Variants in SHLD1 observed in about 807,000 individuals in gnomAD.
SHLD1 encodes the protein RINN1-REV7-interacting novel NHEJ regulator 3.
SHLD1 carries 3 observed loss-of-function variants against 5.5 expected under a neutral mutation model. That is an observed-to-expected ratio of 0.54 (90% confidence interval 0.25 to 1.40). The LOEUF (loss-of-function observed/expected upper bound fraction) is 1.40. SHLD1 is among the 40% of genes most tolerant of loss of function. SHLD1 has a pLI of 0.15. For missense variants in SHLD1, 210 were observed against 244.4 expected (o/e 0.86, Z 0.94); for synonymous variants, 92 against 94.3 (o/e 0.98, Z 0.14).
intron 1 of SHLD1, among the ~76,000 whole-genome samples, chr20:5,762,611 G>A (rs577245046): frequency 9.9e-5 from 15 of 152,096 alleles, no homozygotes; most frequent in Non-Finnish European, 2.1e-4. Flanking sequence ...TGAGTCCCTT[G>A]GCTATTGTGG....
chr20:5,763,264 T>C (rs1008304172), intron 1 of SHLD1, among the ~76,000 whole-genome samples: 94 of 117,402 alleles, frequency 8.0e-4, no homozygotes, highest in Admixed American at 5.9e-3. Context: ...CACTCCAGCC[T>C]GGGCAACAAG....
At position 5,763,610 on chromosome 20, in the gene SHLD1, T is replaced by C. The variant is rs1984603116; in HGVS notation, c.-4-9252T>C. 2.0e-5 allele frequency among the ~76,000 whole-genome samples: 3 copies of C among 152,190 alleles called. No homozygotes were observed. The South Asian group carries it at 6.2e-4, about 31-fold the overall frequency. On this transcript the variant is annotated intron_variant, in intron 1 of 2. Transcript: ENST00000303142. ...TTGTGACACATGGACAACCATACTC[T>C]TCCTCTTTCCCCTAAGCCCACTTTT...
At chr20:5,761,395 A>G (rs1039845) in intron 1 of SHLD1, among the ~76,000 whole-genome samples, 43,006 of 151,158 alleles carry the variant, frequency 0.28, 6,697 homozygotes, top group East Asian at 0.62. Flanking sequence ...CACCTTCTGC[A>G]CATGTATCCC....
At chr20:5,811,267 T>A (rs768447776) in intron 2 of SHLD1, among the ~76,000 whole-genome samples, 1 of 152,146 alleles carries the variant, frequency 6.6e-6, no homozygotes, top group Non-Finnish European at 1.5e-5. Flanking sequence ...ACTCCCTTAA[T>A]TCTTGGAGAG....
chr20:5,863,467 G>T lies in SHLD1; in HGVS notation c.*4G>T, dbSNP rs144988084. 1 of 1,586,600 alleles carries T rather than the reference G, an allele frequency of 6.3e-7. No homozygotes were observed. The highest frequency in any genetic ancestry group is 8.6e-7 in the Non-Finnish European group (1 of 1,167,126). On this transcript the variant is annotated 3_prime_UTR_variant, in exon 3 of 3. Transcript: ENST00000303142. ...GAATGTAATGAAAGACCTGTAACTG[G>T]TGCCGGGCAGTGTGCAGGGTAGTAA...
intron 2 of SHLD1, among the ~76,000 whole-genome samples, chr20:5,780,760 G>T (rs9679965): frequency 6.6e-6 from 1 of 151,986 alleles, no homozygotes; most frequent in Non-Finnish European, 1.5e-5. Flanking sequence ...TTCATCTCAG[G>T]ATTGCTCCTC....
At chr20:5,826,340 G>A (rs975394404) in intron 2 of SHLD1, among the ~76,000 whole-genome samples, 4 of 151,060 alleles carry the variant, frequency 2.6e-5, no homozygotes, top group African/African-American at 7.3e-5. Flanking sequence ...AAGTTCTTAG[G>A]AACATAGTTA....
Position 5,775,723 on chromosome 20 carries a change from C to T in SHLD1, c.178+2680C>T, listed in dbSNP as rs552991215. Among the ~76,000 whole-genome samples, 6 of 152,128 alleles carry T rather than the reference C, an allele frequency of 3.9e-5. No homozygotes were observed. In the East Asian group the frequency reaches 5.8e-4, roughly 15 times the overall value. On this transcript the variant is annotated intron_variant, in intron 2 of 2. Transcript: ENST00000303142. ...CTTCTTCCCCTGGTTTGACTTTGGG[C>T]GAGCCACTTAGCCCCTCTGTACCTG...
chr20:5,796,263 C>T (rs895728170), intron 2 of SHLD1, among the ~76,000 whole-genome samples: 1 of 152,052 alleles, frequency 6.6e-6, no homozygotes, highest in Non-Finnish European at 1.5e-5. Flanking sequence ...TTACTGTGAG[C>T]ACTCTCAAAA....
intron 2 of SHLD1, among the ~76,000 whole-genome samples, chr20:5,838,950 G>A (rs2087822079): frequency 6.6e-6 from 1 of 152,132 alleles, no homozygotes; most frequent in Non-Finnish European, 1.5e-5. Flanking sequence ...CTTGCTCCTG[G>A]AGTAATTAAC....
intron 2 of SHLD1, among the ~76,000 whole-genome samples, chr20:5,812,719 T>C (rs966296159): frequency 1.3e-5 from 2 of 152,216 alleles, no homozygotes; most frequent in Non-Finnish European, 2.9e-5. Context: ...CCCTGATGGC[T>C]AGCTTCTTTA....
At chr20:5,828,468 C>T (rs1419788078) in intron 2 of SHLD1, among the ~76,000 whole-genome samples, 1 of 150,456 alleles carries the variant, frequency 6.6e-6, no homozygotes, top group Non-Finnish European at 1.5e-5. Context: ...GCCCCTCAAA[C>T]CATTTCCTGC....
chr20:5,843,220 T>C (rs1386573024), intron 2 of SHLD1, among the ~76,000 whole-genome samples: 2 of 152,046 alleles, frequency 1.3e-5, no homozygotes, highest in Non-Finnish European at 2.9e-5. Flanking sequence ...GGCTTAGAGG[T>C]TTTTAGACCA....
chr20:5,755,182 T>C (rs1055168367), intron 1 of SHLD1, among the ~76,000 whole-genome samples: 2 of 152,204 alleles, frequency 1.3e-5, no homozygotes, highest in African/African-American at 4.8e-5. Flanking sequence ...TAAATATCTC[T>C]TACAAGGCCT....
chr20:5,851,504 A>G (rs73596868), intron 2 of SHLD1, among the ~76,000 whole-genome samples: 8,130 of 151,956 alleles, frequency 0.054, 368 homozygotes, highest in East Asian at 0.19. Context: ...TAAAAAAAAA[A>G]AAAAGAAAAG....
chr20:5,829,231 T>A (rs1666215424), intron 2 of SHLD1, among the ~76,000 whole-genome samples: 1 of 152,172 alleles, frequency 6.6e-6, no homozygotes, highest in Non-Finnish European at 1.5e-5. Context: ...TCACAAATGA[T>A]GTTTAATAAC....
At chr20:5,811,693 A>G (rs567529215) in intron 2 of SHLD1, among the ~76,000 whole-genome samples, 11 of 152,148 alleles carry the variant, frequency 7.2e-5, no homozygotes, top group Non-Finnish European at 1.6e-4. Flanking sequence ...TGTCTCTACA[A>G]AAAAATTTAA....
At chr20:5,756,036 G>A (rs1445010490) in intron 1 of SHLD1, among the ~76,000 whole-genome samples, 1 of 152,140 alleles carries the variant, frequency 6.6e-6, no homozygotes, top group East Asian at 1.9e-4. Flanking sequence ...TTGCTATGAA[G>A]AATCTGTTTT....
chr20:5,849,100 G>A (rs778362271), intron 2 of SHLD1, among the ~76,000 whole-genome samples: 1 of 152,192 alleles, frequency 6.6e-6, no homozygotes, highest in African/African-American at 2.4e-5. Context: ...TATATGAATC[G>A]TGGAAGGCAG....
Sources: gnomAD v4.1 joint callset for allele counts (sites outside exome capture counted in the v4.1 genomes callset) on GRCh38, gnomAD v4.1.1 for gene constraint, MANE v1.5 for transcripts, NCBI Gene and HGNC (gene_info 2026-07-23, HGNC 2026-07-21) for gene names.